EXT1: variants seen among roughly 807,000 people sequenced by gnomAD.
The protein encoded by EXT1 is exostosin glycosyltransferase 1.
A neutral mutation model predicts 82.5 loss-of-function variants in EXT1; 20 were observed. That is an observed-to-expected ratio of 0.24 (90% CI 0.17 to 0.35). The LOEUF (loss-of-function observed/expected upper bound fraction) is 0.35. EXT1 is among the 10% of genes least tolerant of loss of function. The pLI, the probability that EXT1 is intolerant of heterozygous loss-of-function variation, is 1.00. For missense variants in EXT1, 757 were observed against 936.5 expected (o/e 0.81, Z 2.50); for synonymous variants, 348 against 350.8 (o/e 0.99, Z 0.09).
intron 1 of EXT1, among the ~76,000 whole-genome samples, chr8:118,101,765 A>G (rs1287161014): frequency 2.6e-5 from 4 of 152,232 alleles, no homozygotes; most frequent in African/African-American, 9.6e-5. Context: ...CTAGGCAGTC[A>G]TTTAATGATG....
intron 1 of EXT1, among the ~76,000 whole-genome samples, chr8:117,872,582 A>G (rs554565363): frequency 6.6e-6 from 1 of 152,216 alleles, no homozygotes; most frequent in Non-Finnish European, 1.5e-5. Flanking sequence ...GTGGATTTTA[A>G]TATGTTTCTG....
chr8:117,797,939 C>CA lies in EXT1; in HGVS notation c.*1772dup. 6.6e-6 allele frequency: 1 copy of CA among 152,332 alleles called. No homozygotes were observed. The highest frequency in any genetic ancestry group is 2.1e-4 in the South Asian group (1 of 4,824). 9.4% of individuals were successfully genotyped at this position (152,332 alleles called of 1,614,324 possible). ...TGAATTTCACTGTCTACGCACCTCT[C>CA]AAAACACCATCTGGATATGTGGGCT... On this transcript the variant is annotated 3_prime_UTR_variant, in exon 11 of 11. Coordinates refer to ENST00000378204, the MANE Select transcript of EXT1 (RefSeq NM_000127.3).
chr8:117,956,055 G>C (rs919239247), intron 1 of EXT1, among the ~76,000 whole-genome samples: 1 of 152,092 alleles, frequency 6.6e-6, no homozygotes, highest in African/African-American at 2.4e-5. Flanking sequence ...AATGATTTTA[G>C]AGTATTTGCT....
intron 1 of EXT1, among the ~76,000 whole-genome samples, chr8:117,864,809 G>A (rs1186826518): frequency 1.3e-5 from 2 of 151,278 alleles, no homozygotes; most frequent in African/African-American, 4.9e-5. Flanking sequence ...GGAAAGTTAT[G>A]AATTTGTGTT....
At chr8:118,105,345 G>A (rs1219507805) in intron 1 of EXT1, among the ~76,000 whole-genome samples, 1 of 152,172 alleles carries the variant, frequency 6.6e-6, no homozygotes, top group Non-Finnish European at 1.5e-5. Flanking sequence ...CAATGGGCAG[G>A]ACCTGCCCAA....
intron 1 of EXT1, among the ~76,000 whole-genome samples, chr8:117,865,167 A>C (rs1812754408): frequency 6.6e-6 from 1 of 151,970 alleles, no homozygotes; most frequent in South Asian, 2.1e-4. Flanking sequence ...GACCCAAATA[A>C]AATCTTCTTT....
intron 1 of EXT1, among the ~76,000 whole-genome samples, chr8:118,100,711 A>G (rs1471216672): frequency 6.6e-6 from 1 of 151,666 alleles, no homozygotes; most frequent in Non-Finnish European, 1.5e-5. Flanking sequence ...GCGCCACTGC[A>G]CTCCAGCCTG....
chr8:118,006,365 G>C (rs1448446474), intron 1 of EXT1, among the ~76,000 whole-genome samples: 1 of 152,102 alleles, frequency 6.6e-6, no homozygotes, highest in Non-Finnish European at 1.5e-5. Flanking sequence ...GGATCTCTGA[G>C]GTTTTTGAGT....
At chr8:118,093,190 A>C (rs569639985) in intron 1 of EXT1, among the ~76,000 whole-genome samples, 6 of 144,336 alleles carry the variant, frequency 4.2e-5, no homozygotes, top group Admixed American at 7.1e-5. Flanking sequence ...CCCACCCCCC[A>C]AAAAAGCCCT....
Position 118,008,380 on chromosome 8 carries a change from C to T in EXT1, c.962+101705G>A, listed in dbSNP as rs190310713. On this transcript the variant is annotated intron_variant, in intron 1 of 10. Transcript: ENST00000378204. ...GTTCAAGCGATTCTCCTGCCTCAGC[C>T]TTCCAAGTAGCTGGGATTATAGACG... is the stretch of plus-strand genomic sequence containing the variant. Among the ~76,000 whole-genome samples the T allele has an allele frequency of 1.7e-4, 26 of 152,272 alleles. No individual in the cohort carries two copies. The Middle Eastern group carries it at 0.014, about 80-fold the overall frequency.
At chr8:117,876,864 A>G (rs748893374) in intron 1 of EXT1, among the ~76,000 whole-genome samples, 3 of 152,214 alleles carry the variant, frequency 2.0e-5, no homozygotes, top group Non-Finnish European at 4.4e-5. Flanking sequence ...TATTAGAACT[A>G]CAACAGTAAA....
chr8:117,913,677 T>G (rs1472960282), intron 1 of EXT1, among the ~76,000 whole-genome samples: 1 of 152,196 alleles, frequency 6.6e-6, no homozygotes, highest in African/African-American at 2.4e-5. Context: ...AGCTTCTTAC[T>G]CTGGGAGGGA....
At chr8:118,088,760 T>C (rs1817472910) in intron 1 of EXT1, among the ~76,000 whole-genome samples, 2 of 152,074 alleles carry the variant, frequency 1.3e-5, no homozygotes, top group Admixed American at 1.3e-4. Context: ...TTCACTGTCC[T>C]GGTCCTAGAC....
At chr8:118,000,322 C>T (rs1586334666) in intron 1 of EXT1, among the ~76,000 whole-genome samples, 1 of 152,020 alleles carries the variant, frequency 6.6e-6, no homozygotes, top group East Asian at 1.9e-4. Context: ...TCAAAATGAA[C>T]AATCCCTGAC....
At chr8:117,890,814 C>T (rs1387000542) in intron 1 of EXT1, among the ~76,000 whole-genome samples, 1 of 152,200 alleles carries the variant, frequency 6.6e-6, no homozygotes, top group Admixed American at 6.5e-5. Context: ...TATAAAAGCA[C>T]TCAACTTTTC....
At chr8:118,090,858 G>A (rs551892823) in intron 1 of EXT1, among the ~76,000 whole-genome samples, 23 of 135,960 alleles carry the variant, frequency 1.7e-4, no homozygotes, top group Non-Finnish European at 2.6e-4. Flanking sequence ...TGTGAATCCT[G>A]TATACACAGG....
At chr8:117,952,140 G>A (rs1037259940) in intron 1 of EXT1, among the ~76,000 whole-genome samples, 4 of 151,966 alleles carry the variant, frequency 2.6e-5, no homozygotes, top group Admixed American at 1.3e-4. Flanking sequence ...GAACTAATTC[G>A]GTAATTACCC....
intron 1 of EXT1, among the ~76,000 whole-genome samples, chr8:117,992,136 A>T (rs929419599): frequency 1.3e-5 from 2 of 152,152 alleles, no homozygotes; most frequent in Non-Finnish European, 2.9e-5. Context: ...AGCTGCCCAC[A>T]GGGGCTCCTC....
chr8:117,981,285 A>C (rs987569256), intron 1 of EXT1, among the ~76,000 whole-genome samples: 2 of 152,222 alleles, frequency 1.3e-5, no homozygotes, highest in Non-Finnish European at 2.9e-5. Context: ...TAATTCAGAC[A>C]GTAGGAGGGC....
Sources: gnomAD v4.1 joint callset for allele counts (sites outside exome capture counted in the v4.1 genomes callset) on GRCh38, gnomAD v4.1.1 for gene constraint, MANE v1.5 for transcripts, NCBI Gene and HGNC (gene_info 2026-07-23, HGNC 2026-07-21) for gene names.